The following CACNB2 variants were observed in gnomAD, a reference collection of about 807,000 sequenced individuals.
CACNB2 encodes voltage-dependent L-type calcium channel subunit beta-2.
Under a neutral mutation model 73.3 loss-of-function variants are expected in CACNB2, and 42 were observed. The ratio of observed to expected loss-of-function variants is 0.57; its 90% CI spans 0.45 to 0.74. The LOEUF is 0.74. Ranked by LOEUF, CACNB2 falls within the 30% of genes least tolerant of loss-of-function variation. CACNB2 has a pLI of 0.00. For missense variants in CACNB2, 940 were observed against 853.0 expected (o/e 1.10, Z -1.27); for synonymous variants, 348 against 310.3 (o/e 1.12, Z -1.28).
Position 18,252,545 on chromosome 10 carries a change from T to A in CACNB2, c.213+101570T>A, listed in dbSNP as rs2037131092. Reference sequence around the variant, plus strand: ...GCCATCTTTGCTTTGCTTTTTTTCTTTTAATCCCTCTTTTATGTTATTTAA... The same window carrying A: ...GCCATCTTTGCTTTGCTTTTTTTCTATTAATCCCTCTTTTATGTTATTTAA... On this transcript the variant is annotated intron_variant, in intron 2 of 13. Coordinates refer to ENST00000324631, the MANE Select transcript of CACNB2 (RefSeq NM_201596.3). Among the ~76,000 whole-genome samples the A allele has an allele frequency of 2.6e-5, 4 of 152,366 alleles. No homozygotes were observed. The South Asian group carries it at 8.3e-4, about 32-fold the overall frequency.
rs2037440759 is a variant in CACNB2 at position 18,259,570 on chromosome 10, A to AAAAAAGAAAAC, written c.213+108601_213+108602insAAAACAAAAAG. ...AAAAAAAACAAAAAACAAACAAAAA[A>AAAAAAGAAAAC]AAAAAGTAAAAGTAGCCAGGCATGG... On this transcript the variant is annotated intron_variant, in intron 2 of 13. Coordinates refer to ENST00000324631, the MANE Select transcript of CACNB2 (RefSeq NM_201596.3). Among the ~76,000 whole-genome samples, 9 of 116,954 alleles carry AAAAAAGAAAAC rather than the reference A, an allele frequency of 7.7e-5. 1 individual carries two copies. Among genetic ancestry groups the AAAAAAGAAAAC allele is most frequent in the African/African-American group, 1.0e-4 (3 of 29,874 alleles). The allele number at this position is 116,954 out of a possible 152,430, so 76.7% of individuals were successfully genotyped here. A position where few individuals can be genotyped will look rare whatever the true frequency, so the allele number is the denominator to read the frequency against.
chr10:18,207,990 G>A (rs968726291), intron 2 of CACNB2, among the ~76,000 whole-genome samples: 1 of 152,182 alleles, frequency 6.6e-6, no homozygotes, highest in East Asian at 1.9e-4. Context: ...TGTATGTGCT[G>A]CTTTTAAAAA....
chr10:18,269,956 C>T (rs1294112927), intron 2 of CACNB2, among the ~76,000 whole-genome samples: 1 of 152,206 alleles, frequency 6.6e-6, no homozygotes, highest in African/African-American at 2.4e-5. Flanking sequence ...TTCTATTCCA[C>T]CTATCTCCAT....
intron 2 of CACNB2, among the ~76,000 whole-genome samples, chr10:18,175,845 G>A (rs1250701458): frequency 3.9e-5 from 6 of 152,132 alleles, no homozygotes; most frequent in Non-Finnish European, 5.9e-5. Context: ...TGATCTGCCC[G>A]CTTCAGCCTC....
chr10:18,295,515 T>C (rs2039241420), intron 2 of CACNB2, among the ~76,000 whole-genome samples: 1 of 152,254 alleles, frequency 6.6e-6, no homozygotes, highest in Admixed American at 6.5e-5. Flanking sequence ...AACCTCCCAG[T>C]GTTCCATATC....
chr10:18,375,601 T>C (rs781544091), intron 2 of CACNB2, among the ~76,000 whole-genome samples: 11 of 152,188 alleles, frequency 7.2e-5, no homozygotes, highest in Non-Finnish European at 1.2e-4. Context: ...TAGCAAGCAA[T>C]TGAAAATTTA....
chr10:18,248,716 C>T (rs1588840566), intron 2 of CACNB2, among the ~76,000 whole-genome samples: 1 of 152,188 alleles, frequency 6.6e-6, no homozygotes, highest in Admixed American at 6.5e-5. Flanking sequence ...AATTTTATAT[C>T]TTTGTAACCA....
chr10:18,226,791 A>G (rs2036010182), intron 2 of CACNB2, among the ~76,000 whole-genome samples: 1 of 151,988 alleles, frequency 6.6e-6, no homozygotes. Flanking sequence ...ATATCAAACC[A>G]CCCCAAGACA....
chr10:18,382,328 C>G (rs563511358), intron 2 of CACNB2, among the ~76,000 whole-genome samples: 18 of 151,936 alleles, frequency 1.2e-4, no homozygotes, highest in African/African-American at 4.1e-4. Flanking sequence ...TTGTATCTTT[C>G]TTTGTATTGA....
intron 2 of CACNB2, among the ~76,000 whole-genome samples, chr10:18,154,835 C>T (rs571138418): frequency 2.0e-5 from 3 of 152,276 alleles, no homozygotes; most frequent in African/African-American, 7.2e-5. Context: ...CATGTGAGGA[C>T]ACAGTGAGGA....
At chr10:18,393,996 A>G (rs567527595) in intron 2 of CACNB2, among the ~76,000 whole-genome samples, 1 of 152,302 alleles carries the variant, frequency 6.6e-6, no homozygotes, top group South Asian at 2.1e-4. Flanking sequence ...GCTGAAGTTC[A>G]GTGGCACAAT....
chr10:18,318,366 C>T (rs954123404), intron 2 of CACNB2, among the ~76,000 whole-genome samples: 10 of 152,128 alleles, frequency 6.6e-5, no homozygotes, highest in African/African-American at 2.4e-4. Flanking sequence ...CAAAAACAAG[C>T]AATGGGGAAA....
chr10:18,153,675 G>A (rs111259745), intron 2 of CACNB2, among the ~76,000 whole-genome samples: 1 of 150,322 alleles, frequency 6.7e-6, no homozygotes, highest in African/African-American at 2.5e-5. Context: ...TCTGCCTCCT[G>A]GGTTCAAGTG....
intron 2 of CACNB2, among the ~76,000 whole-genome samples, chr10:18,369,238 A>G (rs908540156): frequency 6.6e-6 from 1 of 152,202 alleles, no homozygotes; most frequent in Non-Finnish European, 1.5e-5. Context: ...TATCAAATTT[A>G]AAAATTACTT....
At position 18,283,132 on chromosome 10, in the gene CACNB2, C is replaced by T. The variant is rs548779840; in HGVS notation, c.214-118792C>T. Reference sequence around the variant, plus strand: ...AAAACCACAATGAGATACTATCTCACACCAGTTAGATGGCAATCATTAAAA... The same window carrying T: ...AAAACCACAATGAGATACTATCTCATACCAGTTAGATGGCAATCATTAAAA... On this transcript the variant is annotated intron_variant, in intron 2 of 13. Transcript: ENST00000324631. 5.3e-5 allele frequency among the ~76,000 whole-genome samples: 8 copies of T among 152,322 alleles called. 1 individual carries two copies. In the East Asian group the frequency reaches 9.7e-4, roughly 18 times the overall value.
intron 2 of CACNB2, among the ~76,000 whole-genome samples, chr10:18,231,001 G>C (rs922827489): frequency 1.3e-5 from 2 of 152,102 alleles, no homozygotes; most frequent in South Asian, 4.1e-4. Context: ...GAGAAGGAAG[G>C]TTAGTAGGCT....
intron 2 of CACNB2, among the ~76,000 whole-genome samples, chr10:18,310,605 C>CAAAAAAAAAAAAAAAAAAA (rs1157466238): frequency 2.7e-5 from 1 of 36,858 alleles, no homozygotes; most frequent in Non-Finnish European, 4.5e-5. Flanking sequence ...AACTCCATCT[C>CAAAAAAAAAAAAAAAAAAA]AAAAAAAAAA....
At chr10:18,352,214 C>T (rs973829142) in intron 2 of CACNB2, among the ~76,000 whole-genome samples, 3 of 152,176 alleles carry the variant, frequency 2.0e-5, no homozygotes, top group Non-Finnish European at 4.4e-5. Context: ...ATCCTGTTAC[C>T]TTTCTGATCG....
chr10:18,344,740 C>T (rs1035989156), intron 2 of CACNB2, among the ~76,000 whole-genome samples: 15 of 151,982 alleles, frequency 9.9e-5, no homozygotes, highest in African/African-American at 2.9e-4. Flanking sequence ...CATGCCTGAA[C>T]GACACCAGCC....
Sources: gnomAD v4.1 joint callset for allele counts (sites outside exome capture counted in the v4.1 genomes callset) on GRCh38, gnomAD v4.1.1 for gene constraint, MANE v1.5 for transcripts, NCBI Gene and HGNC (gene_info 2026-07-23, HGNC 2026-07-21) for gene names.